SLC4A4: variants seen among roughly 807,000 people sequenced by gnomAD.
SLC4A4 encodes the protein electrogenic sodium bicarbonate cotransporter 1.
A neutral mutation model predicts 111.5 loss-of-function variants in SLC4A4; 27 were observed. The ratio of observed to expected loss-of-function variants is 0.24; its 90% CI spans 0.18 to 0.33. The LOEUF (loss-of-function observed/expected upper bound fraction) is 0.33. Ranked by LOEUF, SLC4A4 falls within the 10% of genes least tolerant of loss-of-function variation. SLC4A4 has a pLI of 1.00. For synonymous variants in SLC4A4, 443 were observed against 463.4 expected (o/e 0.96, Z 0.57); for missense variants, 909 against 1,315.5 (o/e 0.69, Z 4.78).
At chr4:71,096,239 A>G (rs571803590) in intron 2 of SLC4A4, among the ~76,000 whole-genome samples, 2 of 152,290 alleles carry the variant, frequency 1.3e-5, no homozygotes, top group African/African-American at 4.8e-5. Flanking sequence ...AATTCTCTGC[A>G]TAGGGTGGCT....
At chr4:71,365,226 A>G (rs1424108948) in intron 6 of SLC4A4, among the ~76,000 whole-genome samples, 1 of 152,152 alleles carries the variant, frequency 6.6e-6, no homozygotes, top group Non-Finnish European at 1.5e-5. Context: ...ACCACATGTG[A>G]GTGCTTTTTT....
chr4:71,250,834 A>G (rs535941728), intron 2 of SLC4A4, among the ~76,000 whole-genome samples: 1 of 152,310 alleles, frequency 6.6e-6, no homozygotes, highest in African/African-American at 2.4e-5. Context: ...GAGAACAGAG[A>G]CATATTTCTC....
intron 6 of SLC4A4, among the ~76,000 whole-genome samples, chr4:71,371,871 T>C (rs187982365): frequency 2.9e-4 from 44 of 152,328 alleles, no homozygotes; most frequent in Admixed American, 2.9e-3. Flanking sequence ...TGACCCTTGA[T>C]ACTCCATCAT....
intron 6 of SLC4A4, among the ~76,000 whole-genome samples, chr4:71,357,477 T>G (rs574526632): frequency 3.2e-4 from 48 of 152,276 alleles, no homozygotes; most frequent in African/African-American, 1.1e-3. Context: ...GATGAAACAA[T>G]TGAATATTAT....
intron 1 of SLC4A4, among the ~76,000 whole-genome samples, chr4:71,199,142 G>C (rs1264534354): frequency 6.6e-6 from 1 of 152,174 alleles, no homozygotes; most frequent in African/African-American, 2.4e-5. Flanking sequence ...GATGTCGTCA[G>C]GTGTCACTGA....
chr4:71,535,873 C>CAAAT (rs1560597043), intron 18 of SLC4A4, among the ~76,000 whole-genome samples: 1 of 151,118 alleles, frequency 6.6e-6, no homozygotes, highest in Non-Finnish European at 1.5e-5. Flanking sequence ...AACAAACAAA[C>CAAAT]CAACAAAAAA....
chr4:71,332,766 C>A lies in SLC4A4; in HGVS notation c.254-6604C>A, dbSNP rs533001825. Among the ~76,000 whole-genome samples, 9 of 152,348 alleles carry A rather than the reference C, an allele frequency of 5.9e-5. No individual in the cohort carries two copies. The East Asian group carries it at 1.5e-3, about 26-fold the overall frequency. Reference sequence around the variant, plus strand: ...TTTTCAAATAGCCTGTCTGCGAGCTCACTAATTCTTCTGCTTAAGTCTGCT... The same window carrying A: ...TTTTCAAATAGCCTGTCTGCGAGCTAACTAATTCTTCTGCTTAAGTCTGCT... On this transcript the variant is annotated intron_variant, in intron 3 of 25. Coordinates refer to ENST00000264485, the MANE Select transcript of SLC4A4 (RefSeq NM_001098484.3).
rs915335707 is a variant in SLC4A4, at chr4:71,571,225, G to A, written c.*3474G>A. Reference sequence around the variant, plus strand: ...GAAATAATTTGAGTTGTATTACAGAGGTTGACATTGTTCAGGGATGGGACA... The same window carrying A: ...GAAATAATTTGAGTTGTATTACAGAAGTTGACATTGTTCAGGGATGGGACA... On this transcript the variant is annotated 3_prime_UTR_variant, in exon 26 of 26. Transcript: ENST00000264485. 6.6e-6 allele frequency: 1 copy of A among 152,186 alleles called. No individual in the cohort carries two copies. The highest frequency in any genetic ancestry group is 2.4e-5 in the African/African-American group (1 of 41,374). 9.4% of individuals were successfully genotyped at this position (152,186 alleles called of 1,614,324 possible).
chr4:71,392,262 G>C (rs1223686115), intron 6 of SLC4A4, among the ~76,000 whole-genome samples: 1 of 152,070 alleles, frequency 6.6e-6, no homozygotes, highest in Admixed American at 6.6e-5. Flanking sequence ...TATAGGTGAG[G>C]ATTCAGAGGA....
rs1197268810 is a variant in SLC4A4, at chr4:71,085,313, T to TC, written c.-64-7416dup. Among the ~76,000 whole-genome samples, 8 of 152,064 alleles carry TC rather than the reference T, an allele frequency of 5.3e-5. 1 individual carries two copies. Among genetic ancestry groups the TC allele is most frequent in the African/African-American group, 1.9e-4 (8 of 41,314 alleles). On this transcript the variant is annotated intron_variant, in intron 1 of 26. Transcript: ENST00000649996. ...GTAGATTCTGGATATTAGCCCTTTG[T>TC]CAGATGAGTGGGTTGCAAAAATTTT...
At chr4:71,411,105 C>A (rs1237407730) in intron 7 of SLC4A4, among the ~76,000 whole-genome samples, 1 of 152,154 alleles carries the variant, frequency 6.6e-6, no homozygotes, top group Non-Finnish European at 1.5e-5. Context: ...GAATCCTTGG[C>A]ATGACCTTCC....
At chr4:71,121,956 T>C (rs528829991) in intron 2 of SLC4A4, among the ~76,000 whole-genome samples, 1 of 152,052 alleles carries the variant, frequency 6.6e-6, no homozygotes, top group South Asian at 2.1e-4. Context: ...ACGGGAGGAA[T>C]GAACAACTCC....
chr4:71,464,670 G>A (rs938312016), intron 12 of SLC4A4, among the ~76,000 whole-genome samples: 1 of 152,074 alleles, frequency 6.6e-6, no homozygotes, highest in South Asian at 2.1e-4. Context: ...GTCAAGTCTT[G>A]TTTTTTATCC....
chr4:71,271,980 G>GTAGC (rs1275546964), intron 3 of SLC4A4, among the ~76,000 whole-genome samples: 1 of 152,190 alleles, frequency 6.6e-6, no homozygotes, highest in African/African-American at 2.4e-5. Flanking sequence ...TCAAGGTCAC[G>GTAGC]TAGCTAGTAA....
intron 2 of SLC4A4, among the ~76,000 whole-genome samples, chr4:71,168,808 A>C (rs184320794): frequency 6.6e-6 from 1 of 152,236 alleles, no homozygotes; most frequent in African/African-American, 2.4e-5. Context: ...TTAAGGCTGA[A>C]TAGTACTCCA....
At chr4:71,222,166 C>G (rs1284932181) in intron 1 of SLC4A4, among the ~76,000 whole-genome samples, 1 of 152,140 alleles carries the variant, frequency 6.6e-6, no homozygotes, top group Non-Finnish European at 1.5e-5. Flanking sequence ...CAGCCTGCCT[C>G]TCCTTTACCT....
intron 12 of SLC4A4, among the ~76,000 whole-genome samples, chr4:71,463,905 T>A (rs542508754): frequency 3.9e-5 from 6 of 152,192 alleles, no homozygotes; most frequent in African/African-American, 1.4e-4. Flanking sequence ...AAATCTCTTC[T>A]TTTGTATTGC....
At chr4:71,496,633 A>C (rs1560561607) in intron 15 of SLC4A4, among the ~76,000 whole-genome samples, 3 of 152,052 alleles carry the variant, frequency 2.0e-5, no homozygotes, top group East Asian at 1.9e-4. Context: ...GCTAGTACTC[A>C]GAGCAACTGG....
chr4:71,180,978 A>G (rs1240880041), intron 2 of SLC4A4, among the ~76,000 whole-genome samples: 2 of 152,136 alleles, frequency 1.3e-5, no homozygotes, highest in Non-Finnish European at 2.9e-5. Flanking sequence ...ATGTCCAACA[A>G]TGATAGACTG....
Sources: gnomAD v4.1 joint callset for allele counts (sites outside exome capture counted in the v4.1 genomes callset) on GRCh38, gnomAD v4.1.1 for gene constraint, MANE v1.5 for transcripts, NCBI Gene and HGNC (gene_info 2026-07-23, HGNC 2026-07-21) for gene names.